IL1RAPL1: variants seen among roughly 807,000 people sequenced by gnomAD.
IL1RAPL1 encodes the protein interleukin 1 receptor accessory protein like 1, also known as interleukin-1 receptor accessory protein-like 1.
In IL1RAPL1, 3 loss-of-function variants were observed where a neutral mutation model predicts 48.4. That is an observed-to-expected ratio of 0.06 (90% CI 0.03 to 0.16). The LOEUF is 0.16. Among genes scored for constraint, IL1RAPL1 ranks in the 10% least tolerant of loss-of-function variants. The pLI, the probability that IL1RAPL1 is intolerant of heterozygous loss-of-function variation, is 1.00. For synonymous variants in IL1RAPL1, 185 were observed against 187.7 expected (o/e 0.99, Z 0.12); for missense variants, 349 against 530.6 (o/e 0.66, Z 3.36).
At position 28,726,925 on chromosome X, in the gene IL1RAPL1, C is replaced by T. The variant is rs146620750; in HGVS notation, c.-24-62395C>T. On this transcript the variant is annotated intron_variant, in intron 1 of 10. Coordinates refer to ENST00000378993, the MANE Select transcript of IL1RAPL1 (RefSeq NM_014271.4). ...AATCTAATTGTAGATGCATCTGGCT[C>T]AACTCCTTTGTGAACATAGTAGTAA... Among the ~76,000 whole-genome samples the T allele has an allele frequency of 1.5e-4, 17 of 111,970 alleles. No homozygotes were observed. In the East Asian group the frequency reaches 3.9e-3, roughly 26 times the overall value.
intron 2 of IL1RAPL1, among the ~76,000 whole-genome samples, chrX:29,281,652 G>T (rs967666755): frequency 8.9e-6 from 1 of 111,732 alleles, no homozygotes; most frequent in African/African-American, 3.3e-5. Flanking sequence ...ATATTGTTTG[G>T]CTGTAAAACA....
At chrX:29,676,510 T>C (rs1926289089) in intron 6 of IL1RAPL1, among the ~76,000 whole-genome samples, 1 of 111,822 alleles carries the variant, frequency 8.9e-6, no homozygotes, top group Non-Finnish European at 1.9e-5. Context: ...AATGAAACTT[T>C]TTAATTATAG....
chrX:29,257,087 AT>A (rs1313903891), intron 2 of IL1RAPL1, among the ~76,000 whole-genome samples: 1 of 111,715 alleles, frequency 9.0e-6, no homozygotes, highest in Non-Finnish European at 1.9e-5. Flanking sequence ...GCATTTTTCA[AT>A]GTTCATTATT....
At chrX:29,904,577 T>A (rs1485833619) in intron 6 of IL1RAPL1, among the ~76,000 whole-genome samples, 2 of 110,726 alleles carry the variant, frequency 1.8e-5, no homozygotes, top group Non-Finnish European at 3.8e-5. Flanking sequence ...CTATTCCATG[T>A]GTTCTCATTT....
At chrX:29,658,238 G>A (rs1925743193) in intron 5 of IL1RAPL1, among the ~76,000 whole-genome samples, 1 of 111,348 alleles carries the variant, frequency 9.0e-6, no homozygotes, top group Admixed American at 9.6e-5. Context: ...AATGTGTTCT[G>A]GGATCTGCCG....
chrX:28,856,405 G>A (rs755977195), intron 2 of IL1RAPL1, among the ~76,000 whole-genome samples: 6 of 111,789 alleles, frequency 5.4e-5, no homozygotes, highest in African/African-American at 1.9e-4. Flanking sequence ...TTTTCCAAGA[G>A]TACTATTTTG....
In IL1RAPL1 at chrX:29,237,473, C is replaced by T. The variant is rs145942948; in HGVS notation, c.83-45465C>T. Among the ~76,000 whole-genome samples, 14 of 112,592 alleles carry T rather than the reference C, an allele frequency of 1.2e-4. No individual in the cohort carries two copies. The East Asian group carries it at 3.6e-3, about 29-fold the overall frequency. On this transcript the variant is annotated intron_variant, in intron 2 of 10. Coordinates refer to ENST00000378993, the MANE Select transcript of IL1RAPL1 (RefSeq NM_014271.4). ...ATTGCAGTTATAAAACAGTGTGCAT[C>T]ACTGTATGCTTTGCACATGGCAGAT...
chrX:29,496,469 C>CTT (rs60141942), intron 5 of IL1RAPL1, among the ~76,000 whole-genome samples: 901 of 73,161 alleles, frequency 0.012, 11 homozygotes, highest in Non-Finnish European at 0.014. Context: ...TTTCTTATTC[C>CTT]TTTTTTTTTT....
At chrX:28,953,053 T>G (rs1289896912) in intron 2 of IL1RAPL1, among the ~76,000 whole-genome samples, 1 of 111,422 alleles carries the variant, frequency 9.0e-6, no homozygotes, top group African/African-American at 3.2e-5. Flanking sequence ...TGTTTAATAT[T>G]TCAAAAAACT....
chrX:29,747,871 C>T (rs902433998), intron 6 of IL1RAPL1, among the ~76,000 whole-genome samples: 1 of 112,299 alleles, frequency 8.9e-6, no homozygotes, highest in African/African-American at 3.2e-5. Context: ...CTGGCAAATG[C>T]GGCAACTTAC....
intron 5 of IL1RAPL1, among the ~76,000 whole-genome samples, chrX:29,501,478 A>G (rs1426959186): frequency 9.0e-6 from 1 of 110,528 alleles, no homozygotes; most frequent in Non-Finnish European, 1.9e-5. Flanking sequence ...TTTTGATTTG[A>G]TGTTTGTGTA....
At chrX:28,821,325 T>A (rs1936935148) in intron 2 of IL1RAPL1, among the ~76,000 whole-genome samples, 2 of 111,516 alleles carry the variant, frequency 1.8e-5, no homozygotes, top group African/African-American at 6.5e-5. Context: ...TAGATTTTTT[T>A]AATGGAGAAT....
At chrX:29,222,315 T>C (rs1930997952) in intron 2 of IL1RAPL1, among the ~76,000 whole-genome samples, 1 of 111,921 alleles carries the variant, frequency 8.9e-6, no homozygotes, top group Non-Finnish European at 1.9e-5. Context: ...TCTATAAATA[T>C]TGGCAATTTC....
At chrX:29,448,325 T>A (rs1300821873) in intron 5 of IL1RAPL1, among the ~76,000 whole-genome samples, 1 of 111,776 alleles carries the variant, frequency 8.9e-6, no homozygotes, top group Non-Finnish European at 1.9e-5. Flanking sequence ...GGCAAAATTA[T>A]TCCCAAGTAC....
At chrX:29,240,825 C>G (rs1450474529) in intron 2 of IL1RAPL1, among the ~76,000 whole-genome samples, 1 of 111,889 alleles carries the variant, frequency 8.9e-6, no homozygotes, top group Non-Finnish European at 1.9e-5. Context: ...GACACTAATA[C>G]ATGAAGCACA....
At chrX:29,159,758 C>T (rs1328462815) in intron 2 of IL1RAPL1, among the ~76,000 whole-genome samples, 1 of 111,738 alleles carries the variant, frequency 8.9e-6, no homozygotes, top group Non-Finnish European at 1.9e-5. Flanking sequence ...CAAAGTTTCG[C>T]TCTTGTTGCC....
At chrX:29,539,824 A>G (rs1014199626) in intron 5 of IL1RAPL1, among the ~76,000 whole-genome samples, 1 of 111,595 alleles carries the variant, frequency 9.0e-6, no homozygotes, top group African/African-American at 3.3e-5. Context: ...CTATGAGCCA[A>G]TTAAACCTCT....
intron 6 of IL1RAPL1, among the ~76,000 whole-genome samples, chrX:29,762,913 G>C (rs747171497): frequency 9.0e-6 from 1 of 111,344 alleles, no homozygotes; most frequent in African/African-American, 3.3e-5. Context: ...CCTCAGTGTC[G>C]CTCCTGCACA....
chrX:28,815,845 A>G (rs12388550), intron 2 of IL1RAPL1, among the ~76,000 whole-genome samples: 1,044 of 41,656 alleles, frequency 0.025, 30 homozygotes, highest in African/African-American at 0.11. Flanking sequence ...TTATGTATAT[A>G]TATATATATA....
Sources: gnomAD v4.1 joint callset for allele counts (sites outside exome capture counted in the v4.1 genomes callset) on GRCh38, gnomAD v4.1.1 for gene constraint, MANE v1.5 for transcripts, NCBI Gene and HGNC (gene_info 2026-07-23, HGNC 2026-07-21) for gene names.